Variants in PITPNA observed in about 807,000 individuals in gnomAD.
PITPNA encodes the protein phosphatidylinositol transfer protein alpha isoform.
Under a neutral mutation model 50.3 loss-of-function variants are expected in PITPNA, and 13 were observed. That is an observed-to-expected ratio of 0.26 (90% CI 0.17 to 0.41). The LOEUF is 0.41. PITPNA is among the 10% of genes least tolerant of loss of function. The pLI is 1.00. For synonymous variants in PITPNA, 120 were observed against 119.6 expected (o/e 1.00, Z -0.02); for missense variants, 207 against 333.4 (o/e 0.62, Z 2.95).
intron 9 of PITPNA, 56 bp from the exon 10 acceptor site, chr17:1,534,277 C>T (rs891286446): frequency 7.5e-6 from 12 of 1,608,966 alleles, no homozygotes; most frequent in Non-Finnish European, 9.3e-6. Flanking sequence ...GCTGCCACAG[C>T]CCTTCTCTCC....
intron 9 of PITPNA, among the ~76,000 whole-genome samples, chr17:1,534,713 C>G (rs1361955855): frequency 6.6e-6 from 1 of 152,220 alleles, no homozygotes; most frequent in Non-Finnish European, 1.5e-5. Flanking sequence ...GCACCTCTTG[C>G]CTTTCAGCTG....
At chr17:1,533,641 T>C (rs1456000821) in intron 10 of PITPNA, among the ~76,000 whole-genome samples, 1 of 152,022 alleles carries the variant, frequency 6.6e-6, no homozygotes, top group Non-Finnish European at 1.5e-5. Flanking sequence ...AAGCAAAAGC[T>C]CTCAACTCTG....
At chr17:1,538,367 T>C (rs78144687) in intron 7 of PITPNA, 13,543 of 153,386 alleles carry the variant, frequency 0.088, 740 homozygotes, top group African/African-American at 0.15. Flanking sequence ...CAGTGGACTG[T>C]CCTTTTCCAG....
chr17:1,534,240 C>A lies in PITPNA; in HGVS notation c.646-19G>T, dbSNP rs2075601801. ...TCTCTTGCTATAGAAAGGAGGGAAC[C>A]ACGTTAGAACGCAGAAGGCAAAGGC... On this transcript the variant is annotated intron_variant, in intron 9 of 11. Transcript: ENST00000313486. 2.5e-6 allele frequency: 4 copies of A among 1,613,342 alleles called. No homozygotes were observed. Among genetic ancestry groups the A allele is most frequent in the Non-Finnish European group, 3.4e-6 (4 of 1,179,640 alleles).
At chr17:1,547,296 G>A (rs2075680145) in intron 4 of PITPNA, among the ~76,000 whole-genome samples, 1 of 152,060 alleles carries the variant, frequency 6.6e-6, no homozygotes, top group Non-Finnish European at 1.5e-5. Flanking sequence ...AGCCTGGGAG[G>A]TTAAGGCTGC....
intron 7 of PITPNA, among the ~76,000 whole-genome samples, chr17:1,536,457 T>G (rs966842814): frequency 2.0e-5 from 3 of 151,428 alleles, no homozygotes; most frequent in African/African-American, 7.3e-5. Flanking sequence ...CCGGCTAATT[T>G]TTTTTGTATT....
rs1034780321 is a variant in PITPNA, at chr17:1,562,605, C to G, written c.-45G>C. On this transcript the variant is annotated 5_prime_UTR_variant, in exon 1 of 12. Coordinates refer to ENST00000313486, the MANE Select transcript of PITPNA (RefSeq NM_006224.4). This position sits in a 1 kb window ranked among gnomAD's most constrained non-coding sequence, Gnocchi z 6.4. ...GCTGCCCGCGGCCCGCCCGGCCTCC[C>G]GCCCGCTGCCCGCCGGCCGCTCTCC... The G allele has an allele frequency of 8.2e-6, 10 of 1,224,654 alleles. No homozygotes were observed. The highest frequency in any genetic ancestry group is 1.6e-5 in the African/African-American group (1 of 62,924). The allele number at this position is 1,224,654 out of a possible 1,614,324, so 75.9% of individuals were successfully genotyped here.
chr17:1,549,202 G>C (rs561893824), intron 3 of PITPNA, among the ~76,000 whole-genome samples: 63 of 150,492 alleles, frequency 4.2e-4, no homozygotes, highest in Admixed American at 1.7e-3. Context: ...CACCGCGCCC[G>C]GTCTCTTCTA....
At chr17:1,522,920 G>A (rs1260916571) in intron 10 of PITPNA, among the ~76,000 whole-genome samples, 2 of 152,126 alleles carry the variant, frequency 1.3e-5, no homozygotes, top group Non-Finnish European at 2.9e-5. Flanking sequence ...GAGAAATGAG[G>A]GAGAAAATCC....
At chr17:1,522,656 A>G (rs1318840392) in intron 10 of PITPNA, among the ~76,000 whole-genome samples, 3 of 152,206 alleles carry the variant, frequency 2.0e-5, no homozygotes, top group African/African-American at 7.2e-5. Context: ...TACAGGCGTG[A>G]GCCACCGCAC....
In PITPNA at chr17:1,520,558, A is replaced by G. The variant is rs898132169; in HGVS notation, c.*23-20T>C. On this transcript the variant is annotated intron_variant, in intron 11 of 11. Transcript: ENST00000313486. ...GCAAAACTAGAAGAAAAATGAAAGT[A>G]TTAAGGAAGCAAGAGGAGAAAACAG... The G allele has an allele frequency of 3.3e-5, 5 of 151,910 alleles. No homozygotes were observed. Among genetic ancestry groups the G allele is most frequent in the African/African-American group, 1.2e-4 (5 of 41,324 alleles). The allele number at this position is 151,910 out of a possible 1,614,324, so 9.4% of individuals were successfully genotyped here.
At chr17:1,524,254 C>T (rs1260735287) in intron 10 of PITPNA, among the ~76,000 whole-genome samples, 1 of 149,962 alleles carries the variant, frequency 6.7e-6, no homozygotes, top group South Asian at 2.1e-4. Context: ...CCATGTTAGC[C>T]AGGATGGTCT....
intron 6 of PITPNA, 39 bp from the exon 7 acceptor site, chr17:1,538,991 C>G (rs1456226254): frequency 7.1e-6 from 10 of 1,418,246 alleles, no homozygotes; most frequent in African/African-American, 1.4e-5. Context: ...CAGTTTTTGT[C>G]AGTTATAAAA....
chr17:1,536,704 C>G (rs1376190881), intron 7 of PITPNA, among the ~76,000 whole-genome samples: 1 of 152,006 alleles, frequency 6.6e-6, no homozygotes, highest in East Asian at 1.9e-4. Context: ...AGCGATTCTC[C>G]TGCCTCAGCC....
intron 3 of PITPNA, 129 bp from the exon 4 acceptor site, chr17:1,548,516 G>A (rs2075690819): frequency 3.2e-6 from 2 of 630,488 alleles, no homozygotes; most frequent in African/African-American, 3.8e-5. Flanking sequence ...GTTACTGGTG[G>A]GAGTGAGAAG....
intron 10 of PITPNA, among the ~76,000 whole-genome samples, chr17:1,533,462 G>C (rs8082335): frequency 0.15 from 22,730 of 152,108 alleles, 1,985 homozygotes; most frequent in African/African-American, 0.23. Flanking sequence ...CAGAATGGTA[G>C]ACGGCACACA....
intron 10 of PITPNA, among the ~76,000 whole-genome samples, chr17:1,526,695 CATG>C (rs1207501479): frequency 1.3e-5 from 2 of 152,206 alleles, no homozygotes; most frequent in Non-Finnish European, 2.9e-5. Context: ...CTACCAGGAA[CATG>C]ATAGCTTCCC....
intron 6 of PITPNA, among the ~76,000 whole-genome samples, chr17:1,540,602 T>G (rs1003192102): frequency 6.6e-6 from 1 of 152,054 alleles, no homozygotes; most frequent in African/African-American, 2.4e-5. Flanking sequence ...TCTTTTTTTT[T>G]TTTTAAGACA....
intron 2 of PITPNA, among the ~76,000 whole-genome samples, chr17:1,554,487 C>T (rs1335851121): frequency 6.7e-6 from 1 of 148,868 alleles, no homozygotes; most frequent in East Asian, 2.0e-4. Context: ...AAGTGATTCT[C>T]CTGCCTCCTG....
Sources: allele counts gnomAD v4.1 joint callset (sites outside exome capture counted in the v4.1 genomes callset), GRCh38; gene constraint gnomAD v4.1.1; non-coding constraint Gnocchi (gnomAD v3.1); transcripts MANE v1.5; gene names NCBI Gene and HGNC (gene_info 2026-07-23, HGNC 2026-07-21).